PLCXD3: variants seen among roughly 807,000 people sequenced by gnomAD.
The protein encoded by PLCXD3 is phosphatidylinositol specific phospholipase C X domain containing 3, also known as PI-PLC X domain-containing protein 3.
PLCXD3 carries 19 observed loss-of-function variants against 25.5 expected under a neutral mutation model. The observed-to-expected ratio is 0.75, with a 90% confidence interval of 0.52 to 1.09. The LOEUF (loss-of-function observed/expected upper bound fraction) is 1.09, where lower values mean the gene tolerates loss of function less well. PLCXD3 is among the 50% of genes least tolerant of loss of function. The probability of loss-of-function intolerance (pLI) is 0.00; values close to 1 mark genes in which losing one functional copy is unlikely to be tolerated. For synonymous variants in PLCXD3, 174 were observed against 137.6 expected (o/e 1.26, Z -1.85); for missense variants, 411 against 388.1 (o/e 1.06, Z -0.50).
chr5:41,325,852 A>G (rs1287351703), intron 2 of PLCXD3, among the ~76,000 whole-genome samples: 1 of 152,220 alleles, frequency 6.6e-6, no homozygotes, highest in Admixed American at 6.5e-5. Context: ...GGAGACTTAG[A>G]AGTCCAAGAT....
At position 41,346,646 on chromosome 5, in the gene PLCXD3, G is replaced by A. The variant is rs1017900314; in HGVS notation, c.813-32876C>T. On this transcript the variant is annotated intron_variant, in intron 2 of 2. Transcript: ENST00000377801. ...AATATTTGTAAGTGTAAAGTTCAGA[G>A]GGATTAGGTACATTCACATTGTTGT... Among the ~76,000 whole-genome samples the A allele has an allele frequency of 8.0e-4, 122 of 152,092 alleles. 10 individuals are homozygous for A. The highest frequency in any genetic ancestry group is 1.5e-5 in the Non-Finnish European group (1 of 68,014).
At chr5:41,394,923 C>T (rs4438921) in intron 1 of PLCXD3, among the ~76,000 whole-genome samples, 86,337 of 151,938 alleles carry the variant, frequency 0.57, 25,072 homozygotes, top group South Asian at 0.71. Flanking sequence ...ATCTTCCAGA[C>T]AGAAAATCAA....
chr5:41,405,260 T>C (rs982680509), intron 1 of PLCXD3, among the ~76,000 whole-genome samples: 3 of 152,100 alleles, frequency 2.0e-5, no homozygotes, highest in African/African-American at 7.2e-5. Flanking sequence ...ATATTTCTAC[T>C]TCCCATGGGA....
At chr5:41,485,155 G>A (rs758076760) in intron 1 of PLCXD3, among the ~76,000 whole-genome samples, 5 of 152,000 alleles carry the variant, frequency 3.3e-5, no homozygotes, top group Admixed American at 1.3e-4. Flanking sequence ...TTATGAAGAC[G>A]GACACTATTC....
At chr5:41,373,898 C>T (rs953365599) in intron 2 of PLCXD3, among the ~76,000 whole-genome samples, 3 of 152,000 alleles carry the variant, frequency 2.0e-5, no homozygotes, top group African/African-American at 7.2e-5. Flanking sequence ...GTGCAATAAT[C>T]CTAGGGTCAA....
At position 41,313,277 on chromosome 5, in the gene PLCXD3, C is replaced by T. The variant is rs1372795751; in HGVS notation, c.*340G>A. On this transcript the variant is annotated 3_prime_UTR_variant, in exon 3 of 3. Coordinates refer to ENST00000377801, the MANE Select transcript of PLCXD3 (RefSeq NM_001005473.3). Reference sequence around the variant, plus strand: ...CAGAAAGGTTGCAGGGTATAGACAGCGTAGGAGTCATAGGCTGGAAATAGA... The same window carrying T: ...CAGAAAGGTTGCAGGGTATAGACAGTGTAGGAGTCATAGGCTGGAAATAGA... 4.6e-5 allele frequency: 11 copies of T among 238,562 alleles called. No individual in the cohort carries two copies. The highest frequency in any genetic ancestry group is 7.4e-5 in the Non-Finnish European group (9 of 121,096). The allele number at this position is 238,562 out of a possible 1,614,324, so 14.8% of individuals were successfully genotyped here. A position where few individuals can be genotyped will look rare whatever the true frequency, so the allele number is the denominator to read the frequency against.
At chr5:41,323,537 T>C (rs1049766790) in intron 2 of PLCXD3, among the ~76,000 whole-genome samples, 6 of 152,216 alleles carry the variant, frequency 3.9e-5, no homozygotes, top group Non-Finnish European at 8.8e-5. Context: ...AAGAAATACA[T>C]AGCAACTGAA....
At chr5:41,447,480 G>A (rs1253414097) in intron 1 of PLCXD3, among the ~76,000 whole-genome samples, 1 of 152,206 alleles carries the variant, frequency 6.6e-6, no homozygotes, top group Non-Finnish European at 1.5e-5. Context: ...AAAAGAGGCA[G>A]AAGGGTGAGA....
chr5:41,509,360 C>A (rs1010134008), intron 1 of PLCXD3, among the ~76,000 whole-genome samples: 9 of 152,094 alleles, frequency 5.9e-5, no homozygotes, highest in Admixed American at 5.9e-4. Context: ...CCCAGCCCAA[C>A]TGCATAGCCA....
At chr5:41,413,220 A>G (rs529012063) in intron 1 of PLCXD3, among the ~76,000 whole-genome samples, 1 of 152,226 alleles carries the variant, frequency 6.6e-6, no homozygotes, top group Non-Finnish European at 1.5e-5. Context: ...TTGCAAGTGA[A>G]TGATGCCAAG....
chr5:41,485,339 G>A (rs1354569058), intron 1 of PLCXD3, among the ~76,000 whole-genome samples: 1 of 152,164 alleles, frequency 6.6e-6, no homozygotes, highest in African/African-American at 2.4e-5. Flanking sequence ...TTCTACCAAA[G>A]AGGATGAGTT....
chr5:41,449,991 A>G (rs1411090185), intron 1 of PLCXD3, among the ~76,000 whole-genome samples: 1 of 152,164 alleles, frequency 6.6e-6, no homozygotes, highest in African/African-American at 2.4e-5. Context: ...GAAGACATCA[A>G]TGGCTTTCTC....
intron 1 of PLCXD3, among the ~76,000 whole-genome samples, chr5:41,478,192 G>A (rs72758332): frequency 0.025 from 3,875 of 152,246 alleles, 87 homozygotes; most frequent in Non-Finnish European, 0.035. Context: ...TTACCAAAGC[G>A]CTGGGTTGTT....
At chr5:41,353,029 G>A (rs1280994844) in intron 2 of PLCXD3, among the ~76,000 whole-genome samples, 3 of 151,898 alleles carry the variant, frequency 2.0e-5, no homozygotes, top group Non-Finnish European at 4.4e-5. Flanking sequence ...AATCCTCATG[G>A]CACAGTGAAC....
At chr5:41,507,461 T>C (rs1749071847) in intron 1 of PLCXD3, among the ~76,000 whole-genome samples, 1 of 152,192 alleles carries the variant, frequency 6.6e-6, no homozygotes. Flanking sequence ...CTCAGCCCAG[T>C]CAATATCATA....
intron 2 of PLCXD3, among the ~76,000 whole-genome samples, chr5:41,374,117 T>G (rs542196019): frequency 1.3e-5 from 2 of 152,186 alleles, no homozygotes; most frequent in Non-Finnish European, 2.9e-5. Context: ...TTATGTTCTT[T>G]AGGTTAACTA....
At chr5:41,389,202 G>C (rs542331006) in intron 1 of PLCXD3, among the ~76,000 whole-genome samples, 1 of 151,988 alleles carries the variant, frequency 6.6e-6, no homozygotes, top group Non-Finnish European at 1.5e-5. Context: ...TTGAGATATA[G>C]AGCATCTCTG....
intron 1 of PLCXD3, among the ~76,000 whole-genome samples, chr5:41,439,484 TCTCCATTGAGGAGTACCCTTTCTC>T: frequency 6.6e-6 from 1 of 151,874 alleles, no homozygotes. Context: ...GTTTTTTTTT[TCTCCATTGAGGAGTACCCTTTCTC>T]CTCCCTGTTG....
intron 2 of PLCXD3, among the ~76,000 whole-genome samples, chr5:41,343,687 T>C (rs1320126669): frequency 6.6e-6 from 1 of 152,134 alleles, no homozygotes; most frequent in Non-Finnish European, 1.5e-5. Context: ...GAAAATCCAA[T>C]ATACTTAAAC....
Sources: gnomAD v4.1 joint callset for allele counts (sites outside exome capture counted in the v4.1 genomes callset) on GRCh38, gnomAD v4.1.1 for gene constraint, MANE v1.5 for transcripts, NCBI Gene and HGNC (gene_info 2026-07-23, HGNC 2026-07-21) for gene names.